The following EDIL3 variants were observed in gnomAD, a reference collection of about 807,000 sequenced individuals.
The protein encoded by EDIL3 is EGF-like repeat and discoidin I-like domain-containing protein 3.
A neutral mutation model predicts 67.4 loss-of-function variants in EDIL3; 37 were observed. The ratio of observed to expected loss-of-function variants is 0.55; its 90% CI spans 0.42 to 0.72. The LOEUF is 0.72. Among genes scored for constraint, EDIL3 ranks in the 30% least tolerant of loss-of-function variants. EDIL3 has a pLI of 0.00. For missense variants in EDIL3, 527 were observed against 586.3 expected (o/e 0.90, Z 1.04); for synonymous variants, 195 against 196.3 (o/e 0.99, Z 0.05).
chr5:84,142,269 T>G (rs1212751264), intron 4 of EDIL3, among the ~76,000 whole-genome samples: 1 of 151,984 alleles, frequency 6.6e-6, no homozygotes, highest in Non-Finnish European at 1.5e-5. Context: ...TGTGGCTTCT[T>G]CTCAGAGAAT....
rs879239118 is a variant in EDIL3 at position 84,384,410 on chromosome 5, G to A, written c.-36C>T. 1.9e-6 allele frequency: 3 copies of A among 1,611,334 alleles called. No homozygotes were observed. The South Asian group carries it at 3.3e-5, about 18-fold the overall frequency. On this transcript the variant is annotated 5_prime_UTR_variant, in exon 1 of 11. Coordinates refer to ENST00000296591, the MANE Select transcript of EDIL3 (RefSeq NM_005711.5). ...CCCGGACGTGACCCCGGCTGGTCAG[G>A]GGTCGTCGCGGAGGGCAGTGTAGCC...
intron 5 of EDIL3, among the ~76,000 whole-genome samples, chr5:84,108,256 T>A (rs952792845): frequency 1.7e-4 from 26 of 152,030 alleles, no homozygotes. Context: ...TAAGTAGCTC[T>A]GATGGCTTTC....
intron 1 of EDIL3, among the ~76,000 whole-genome samples, chr5:84,278,427 A>G (rs1377693321): frequency 2.0e-5 from 3 of 152,186 alleles, no homozygotes; most frequent in African/African-American, 7.2e-5. Flanking sequence ...ACAGAATCAG[A>G]TGAGTAAATA....
At chr5:83,996,525 G>A (rs538792891) in intron 9 of EDIL3, among the ~76,000 whole-genome samples, 1 of 152,288 alleles carries the variant, frequency 6.6e-6, no homozygotes, top group South Asian at 2.1e-4. Flanking sequence ...AACAGTGACA[G>A]TATGGAGGAA....
chr5:84,332,302 T>A (rs567551529), intron 1 of EDIL3, among the ~76,000 whole-genome samples: 1 of 152,074 alleles, frequency 6.6e-6, no homozygotes, highest in East Asian at 1.9e-4. Flanking sequence ...AGCGCGGGGG[T>A]TGGAAACCAT....
At chr5:84,064,940 G>C in intron 7 of EDIL3, 96 bp from the exon 8 acceptor site, 1 of 1,392,078 alleles carries the variant, frequency 7.2e-7, no homozygotes, top group Non-Finnish European at 9.5e-7. Flanking sequence ...ATAATTGTTC[G>C]AAGAACAGAT....
At position 84,159,639 on chromosome 5, in the gene EDIL3, TAAC is replaced by T. The variant is rs575765325; in HGVS notation, c.355+20751_355+20753del. ...GAATTTATAAATTATATACAATAATTAACAAATGAATAATTATGTTCATAATAA... is the reference window on the plus strand; with the variant it reads ...GAATTTATAAATTATATACAATAATTAAATGAATAATTATGTTCATAATAA... On this transcript the variant is annotated intron_variant, in intron 4 of 10. Transcript: ENST00000296591. Among the ~76,000 whole-genome samples the T allele has an allele frequency of 3.8e-4, 58 of 152,062 alleles. 1 individual carries two copies. In the South Asian group the frequency reaches 0.012, roughly 31 times the overall value.
intron 1 of EDIL3, among the ~76,000 whole-genome samples, chr5:84,339,050 G>A (rs540357604): frequency 2.4e-4 from 37 of 152,156 alleles, no homozygotes; most frequent in African/African-American, 8.7e-4. Flanking sequence ...GGTTGGTGCT[G>A]GGGAGATGGT....
chr5:84,122,490 T>A (rs1747793966), intron 5 of EDIL3, among the ~76,000 whole-genome samples: 1 of 151,940 alleles, frequency 6.6e-6, no homozygotes, highest in Non-Finnish European at 1.5e-5. Context: ...TAGGTATATC[T>A]CCTAATGCTA....
chr5:84,293,076 G>T (rs771049653), intron 1 of EDIL3, among the ~76,000 whole-genome samples: 4 of 151,968 alleles, frequency 2.6e-5, no homozygotes, highest in Non-Finnish European at 5.9e-5. Context: ...CCCTTTTATG[G>T]GCTGACCCCT....
intron 1 of EDIL3, among the ~76,000 whole-genome samples, chr5:84,284,543 A>G (rs1242297736): frequency 6.6e-6 from 1 of 152,204 alleles, no homozygotes; most frequent in Non-Finnish European, 1.5e-5. Flanking sequence ...CTCGGCTGCA[A>G]TAATTGGTTA....
chr5:84,004,468 A>G (rs1745380663), intron 9 of EDIL3, among the ~76,000 whole-genome samples: 1 of 152,146 alleles, frequency 6.6e-6, no homozygotes, highest in African/African-American at 2.4e-5. Flanking sequence ...AAATTATACC[A>G]AACATACTCT....
intron 3 of EDIL3, among the ~76,000 whole-genome samples, chr5:84,206,531 C>T (rs1480865881): frequency 1.3e-5 from 2 of 152,114 alleles, no homozygotes; most frequent in African/African-American, 2.4e-5. Context: ...AGGGAATCCT[C>T]CCTAACTCAT....
At chr5:84,262,103 C>A (rs1039355449) in intron 1 of EDIL3, among the ~76,000 whole-genome samples, 1 of 152,128 alleles carries the variant, frequency 6.6e-6, no homozygotes, top group Admixed American at 6.5e-5. Flanking sequence ...CTTAAAAGAA[C>A]CTACAGTTTC....
At chr5:84,011,864 A>ACATACTCTCTCTCTATCGATTTTG (rs1745522710) in intron 9 of EDIL3, among the ~76,000 whole-genome samples, 2 of 152,132 alleles carry the variant, frequency 1.3e-5, no homozygotes, top group African/African-American at 4.8e-5. Context: ...AATCCCATTT[A>ACATACTCTCTCTCTATCGATTTTG]CATACTCTCT....
chr5:83,982,378 G>A (rs886179488), intron 9 of EDIL3, among the ~76,000 whole-genome samples: 7 of 151,872 alleles, frequency 4.6e-5, no homozygotes, highest in African/African-American at 1.7e-4. Context: ...AAATGTAAGG[G>A]CTCTAAGCAT....
rs76770994 is a variant in EDIL3, at chr5:84,158,755, C to T, written c.356-21401G>A. ...TTATCCTAAGATGTTTAGAAATACG[C>T]TTACTTAAAAAACAAAACCTGTATT... On this transcript the variant is annotated intron_variant, in intron 4 of 10. Transcript: ENST00000296591. Among the ~76,000 whole-genome samples the T allele has an allele frequency of 2.3e-3, 351 of 152,146 alleles. 2 individuals are homozygous for T. The highest frequency in any genetic ancestry group is 4.0e-3 in the Non-Finnish European group (271 of 67,920).
At chr5:83,994,579 G>C (rs541643561) in intron 9 of EDIL3, among the ~76,000 whole-genome samples, 62 of 152,208 alleles carry the variant, frequency 4.1e-4, no homozygotes, top group African/African-American at 1.4e-3. Flanking sequence ...CTGAATAAAA[G>C]ATGTAAGATG....
At chr5:84,094,192 A>G (rs967822002) in intron 6 of EDIL3, among the ~76,000 whole-genome samples, 1 of 152,244 alleles carries the variant, frequency 6.6e-6, no homozygotes, top group African/African-American at 2.4e-5. Flanking sequence ...TTTTTAATTT[A>G]AAAAGAAACA....
Sources: gnomAD v4.1 joint callset for allele counts (sites outside exome capture counted in the v4.1 genomes callset) on GRCh38, gnomAD v4.1.1 for gene constraint, MANE v1.5 for transcripts, NCBI Gene and HGNC (gene_info 2026-07-23, HGNC 2026-07-21) for gene names.